The following CCBE1 variants were observed in gnomAD, a reference collection of about 807,000 sequenced individuals.
CCBE1 encodes the protein collagen and calcium-binding EGF domain-containing protein 1.
CCBE1 carries 37 observed loss-of-function variants against 50.0 expected under a neutral mutation model. That is an observed-to-expected ratio of 0.74 (90% CI 0.57 to 0.97). CCBE1 has a LOEUF of 0.97. Among genes scored for constraint, CCBE1 ranks in the 50% least tolerant of loss-of-function variants. The probability of loss-of-function intolerance (pLI) is 0.00; values close to 1 mark genes in which losing one functional copy is unlikely to be tolerated. For missense variants in CCBE1, 538 were observed against 523.8 expected (o/e 1.03, Z -0.26); for synonymous variants, 234 against 203.7 (o/e 1.15, Z -1.27).
chr18:59,680,897 G>A (rs777379551), intron 2 of CCBE1, among the ~76,000 whole-genome samples: 6 of 151,944 alleles, frequency 3.9e-5, no homozygotes, highest in Admixed American at 6.6e-5. Context: ...TCAAACCAGC[G>A]GCCTGTTGAT....
chr18:59,562,966 T>TA (rs1315258923), intron 2 of CCBE1, among the ~76,000 whole-genome samples: 1 of 152,256 alleles, frequency 6.6e-6, no homozygotes, highest in African/African-American at 2.4e-5. Flanking sequence ...CTCTTCCATA[T>TA]AAGTCACGGA....
rs960231243 is a variant in CCBE1, at chr18:59,432,049, G to C, written c.*3859C>G. The C allele has an allele frequency of 6.6e-6, 1 of 152,254 alleles. No individual in the cohort carries two copies. The highest frequency in any genetic ancestry group is 2.4e-5 in the African/African-American group (1 of 41,460). The allele number at this position is 152,254 out of a possible 1,614,324, so 9.4% of individuals were successfully genotyped here. A position where few individuals can be genotyped will look rare whatever the true frequency, so the allele number is the denominator to read the frequency against. ...GCTCACTGCAACCTCCACCTCCCGG[G>C]TTCAAGCAATTCTTGTGTCTCAGCT... is the stretch of plus-strand genomic sequence containing the variant. On this transcript the variant is annotated 3_prime_UTR_variant, in exon 11 of 11. Transcript: ENST00000439986.
At chr18:59,613,863 G>GCT (rs2053602759) in intron 2 of CCBE1, among the ~76,000 whole-genome samples, 2 of 98,426 alleles carry the variant, frequency 2.0e-5, no homozygotes, top group Admixed American at 2.8e-4. Context: ...TCTCTGATGG[G>GCT]TTTTTTTTTT....
At chr18:59,599,928 T>C (rs1054784874) in intron 2 of CCBE1, among the ~76,000 whole-genome samples, 1 of 152,196 alleles carries the variant, frequency 6.6e-6, no homozygotes, top group African/African-American at 2.4e-5. Flanking sequence ...TTGTCACCCC[T>C]GGCTCACTTC....
intron 2 of CCBE1, among the ~76,000 whole-genome samples, chr18:59,553,064 C>T (rs140176657): frequency 2.6e-3 from 403 of 152,244 alleles, no homozygotes; most frequent in African/African-American, 8.6e-3. Flanking sequence ...TGTTGGGATG[C>T]ACCACCACTA....
intron 2 of CCBE1, among the ~76,000 whole-genome samples, chr18:59,619,790 CCT>C (rs1451640339): frequency 1.3e-5 from 2 of 152,004 alleles, no homozygotes; most frequent in Non-Finnish European, 2.9e-5. Flanking sequence ...TTTTTAAACT[CCT>C]CTTGTTTTGA....
At chr18:59,472,128 TG>T (rs1912062894) in intron 3 of CCBE1, among the ~76,000 whole-genome samples, 1 of 152,266 alleles carries the variant, frequency 6.6e-6, no homozygotes, top group Non-Finnish European at 1.5e-5. Flanking sequence ...CTCAAAGGTC[TG>T]GGTCCCTGAT....
intron 2 of CCBE1, among the ~76,000 whole-genome samples, chr18:59,643,542 T>C (rs145692796): frequency 2.4e-4 from 37 of 152,316 alleles, no homozygotes; most frequent in African/African-American, 8.7e-4. Flanking sequence ...CTCACGCTTA[T>C]AATCCCAGCA....
chr18:59,587,441 A>G (rs1229071494), intron 2 of CCBE1, among the ~76,000 whole-genome samples: 4 of 151,402 alleles, frequency 2.6e-5, no homozygotes, highest in Non-Finnish European at 5.9e-5. Flanking sequence ...ACAGTCATGT[A>G]TGAAAAAACG....
At chr18:59,455,269 G>T (rs1297251296) in intron 5 of CCBE1, 10 of 434,672 alleles carry the variant, frequency 2.3e-5, no homozygotes, top group Non-Finnish European at 3.9e-5. Context: ...TTTCCAGAAG[G>T]CAGGCTCTAT....
intron 1 of CCBE1, 82 bp downstream of exon 1, chr18:59,697,129 CG>C: frequency 6.5e-7 from 1 of 1,527,088 alleles, no homozygotes; most frequent in Non-Finnish European, 8.8e-7. Context: ...TGGGAGTGGG[CG>C]CCGGGGAGGA....
At chr18:59,638,869 T>C (rs780643370) in intron 2 of CCBE1, among the ~76,000 whole-genome samples, 5 of 150,352 alleles carry the variant, frequency 3.3e-5, no homozygotes, top group Non-Finnish European at 5.9e-5. Flanking sequence ...GAACATTTCA[T>C]AAAAAGATTA....
intron 2 of CCBE1, among the ~76,000 whole-genome samples, chr18:59,603,162 A>C (rs1040993330): frequency 6.6e-6 from 1 of 152,226 alleles, no homozygotes; most frequent in African/African-American, 2.4e-5. Context: ...CCAAATGCTA[A>C]TCATTTGCTC....
At chr18:59,580,168 T>C (rs1228050829) in intron 2 of CCBE1, among the ~76,000 whole-genome samples, 1 of 152,226 alleles carries the variant, frequency 6.6e-6, no homozygotes, top group Non-Finnish European at 1.5e-5. Context: ...AGGGCAAGCC[T>C]GCCTCTTGTT....
Position 59,466,823 on chromosome 18 carries a change from A to G in CCBE1, c.469T>C (p.Tyr157His), listed in dbSNP as rs745393455. The G allele has an allele frequency of 9.3e-6, 15 of 1,613,404 alleles. No individual in the cohort carries two copies. Among genetic ancestry groups the G allele is most frequent in the Non-Finnish European group, 1.3e-5 (15 of 1,179,586 alleles). The change falls in exon 5 of 11, where the codon TAC becomes CAC. Residue 157 changes from tyrosine to histidine, a missense_variant. Coordinates refer to ENST00000439986, the MANE Select transcript of CCBE1 (RefSeq NM_133459.4). ...AHICINTLGS[Y>H]RCECREGYIR... Reference sequence around the variant, plus strand: ...TAGCCTTCCCGGCACTCGCAGCGGTAGCTGCCCAAGGTATTGATGCAGATG... The same window carrying G: ...TAGCCTTCCCGGCACTCGCAGCGGTGGCTGCCCAAGGTATTGATGCAGATG...
At chr18:59,585,437 A>C (rs1044189476) in intron 2 of CCBE1, among the ~76,000 whole-genome samples, 2 of 152,102 alleles carry the variant, frequency 1.3e-5, no homozygotes, top group Admixed American at 1.3e-4. Flanking sequence ...CTGTTGGGCT[A>C]TCACTGAATT....
intron 2 of CCBE1, among the ~76,000 whole-genome samples, chr18:59,604,218 G>A (rs2053467377): frequency 6.6e-6 from 1 of 152,220 alleles, no homozygotes; most frequent in South Asian, 2.1e-4. Context: ...CAGTTATGGA[G>A]AGAGCCAGGA....
intron 2 of CCBE1, among the ~76,000 whole-genome samples, chr18:59,637,466 C>T (rs2053929829): frequency 6.6e-6 from 1 of 152,100 alleles, no homozygotes; most frequent in South Asian, 2.1e-4. Flanking sequence ...CACACCCTCA[C>T]CCATCCACCC....
chr18:59,457,894 A>T (rs1420320277), intron 5 of CCBE1, among the ~76,000 whole-genome samples: 1 of 152,236 alleles, frequency 6.6e-6, no homozygotes, highest in Non-Finnish European at 1.5e-5. Flanking sequence ...GCAAATTTCC[A>T]TGCAATAATA....
Sources: allele counts gnomAD v4.1 joint callset (sites outside exome capture counted in the v4.1 genomes callset), GRCh38; gene constraint gnomAD v4.1.1; transcripts MANE v1.5; gene names NCBI Gene and HGNC (gene_info 2026-07-23, HGNC 2026-07-21).